Variants in KCMF1 observed in about 807,000 individuals in gnomAD.
The protein encoded by KCMF1 is E3 ubiquitin-protein ligase KCMF1.
KCMF1 carries 3 observed loss-of-function variants against 41.1 expected under a neutral mutation model. That is an observed-to-expected ratio of 0.07 (90% CI 0.03 to 0.19). KCMF1 has a LOEUF of 0.19. Ranked by LOEUF, KCMF1 falls within the 10% of genes least tolerant of loss-of-function variation. The pLI is 1.00. For synonymous variants in KCMF1, 142 were observed against 164.5 expected, an observed-to-expected ratio of 0.86 and a Z score of 1.04; for missense variants, 286 against 488.9, an observed-to-expected ratio of 0.58 and a Z score of 3.91.
At chr2:85,027,366 CTTTTTTTTTTT>C (rs934531367) in intron 1 of KCMF1, among the ~76,000 whole-genome samples, 6 of 65,742 alleles carry the variant, frequency 9.1e-5, no homozygotes, top group Non-Finnish European at 1.8e-4. Flanking sequence ...CTTATCAAGG[CTTTTTTTTTTT>C]TTTTTTTTTT....
At chr2:84,986,441 G>A (rs917469861) in intron 1 of KCMF1, among the ~76,000 whole-genome samples, 4 of 152,116 alleles carry the variant, frequency 2.6e-5, no homozygotes, top group East Asian at 1.9e-4. Flanking sequence ...AAGGGGATCC[G>A]CCAAGTGAGA....
chr2:85,003,958 T>C (rs1183420833), intron 1 of KCMF1, among the ~76,000 whole-genome samples: 1 of 152,150 alleles, frequency 6.6e-6, no homozygotes, highest in Non-Finnish European at 1.5e-5. Context: ...ACCCAGTGGA[T>C]GCCTGAACCT....
intron 5 of KCMF1, among the ~76,000 whole-genome samples, chr2:85,047,469 G>C (rs894722764): frequency 3.3e-5 from 5 of 151,726 alleles, no homozygotes; most frequent in Admixed American, 2.6e-4. Context: ...TAATTGAAAA[G>C]ACTAAAGAAT....
At chr2:85,031,090 T>C (rs1323502836) in intron 2 of KCMF1, among the ~76,000 whole-genome samples, 1 of 152,234 alleles carries the variant, frequency 6.6e-6, no homozygotes, top group Non-Finnish European at 1.5e-5. Context: ...CTTCCAACTT[T>C]GTTCTTTTTC....
chr2:85,037,902 C>T (rs746852422), intron 3 of KCMF1, among the ~76,000 whole-genome samples: 4 of 152,190 alleles, frequency 2.6e-5, no homozygotes, highest in Non-Finnish European at 5.9e-5. Context: ...CCTGTCAGAT[C>T]AGCAACATCA....
At chr2:85,018,344 A>G (rs1463142332) in intron 1 of KCMF1, among the ~76,000 whole-genome samples, 2 of 143,146 alleles carry the variant, frequency 1.4e-5, no homozygotes, top group Non-Finnish European at 3.0e-5. Flanking sequence ...AACTCGGCTC[A>G]CTGCAACCTC....
intron 1 of KCMF1, among the ~76,000 whole-genome samples, chr2:84,982,564 A>C (rs1444553698): frequency 6.6e-6 from 1 of 151,242 alleles, no homozygotes; most frequent in African/African-American, 2.4e-5. Flanking sequence ...ACCATGCCCT[A>C]ATTTTTGTAT....
chr2:85,035,224 C>T, intron 3 of KCMF1, 69 bp downstream of exon 3: 1 of 1,342,630 alleles, frequency 7.4e-7, no homozygotes, highest in Non-Finnish European at 1.0e-6. Flanking sequence ...ATTAATAAAG[C>T]TAGGTCACTG....
At chr2:85,014,582 GCT>G (rs1002816463) in intron 1 of KCMF1, among the ~76,000 whole-genome samples, 27 of 150,890 alleles carry the variant, frequency 1.8e-4, no homozygotes, top group African/African-American at 6.1e-4. Flanking sequence ...CCTAAACCAA[GCT>G]CTCTCTGCCT....
intron 1 of KCMF1, among the ~76,000 whole-genome samples, chr2:84,993,238 A>T (rs1330590212): frequency 6.6e-6 from 1 of 151,974 alleles, no homozygotes; most frequent in African/African-American, 2.4e-5. Context: ...AAACAAAAAA[A>T]CCAAAGACAG....
intron 1 of KCMF1, among the ~76,000 whole-genome samples, chr2:85,014,714 T>C (rs995312119): frequency 4.2e-5 from 6 of 142,790 alleles, no homozygotes; most frequent in Non-Finnish European, 7.5e-5. Flanking sequence ...CGCGCGTGCG[T>C]GCGTGCGTGC....
intron 1 of KCMF1, 39 bp from the exon 2 acceptor site, chr2:85,027,850 T>G: frequency 7.1e-7 from 1 of 1,400,140 alleles, no homozygotes; most frequent in Non-Finnish European, 9.8e-7. Flanking sequence ...AAGAGTGGCC[T>G]TTACAACTGG....
chr2:84,981,841 C>T (rs1354728161), intron 1 of KCMF1, among the ~76,000 whole-genome samples: 2 of 152,018 alleles, frequency 1.3e-5, no homozygotes, highest in Non-Finnish European at 2.9e-5. Flanking sequence ...TTCAGTACCG[C>T]AGTATCAGCT....
chr2:85,001,942 G>A (rs1674339409), intron 1 of KCMF1, among the ~76,000 whole-genome samples: 1 of 152,138 alleles, frequency 6.6e-6, no homozygotes, highest in African/African-American at 2.4e-5. Context: ...ACTCAATACT[G>A]TAGGCAGTTA....
intron 1 of KCMF1, among the ~76,000 whole-genome samples, chr2:85,001,001 CTT>C (rs921813036): frequency 6.8e-6 from 1 of 147,014 alleles, no homozygotes; most frequent in East Asian, 2.0e-4. Context: ...TCTTTTTTGT[CTT>C]TTTTTTGTAG....
chr2:85,030,606 C>T (rs1261393774), intron 2 of KCMF1, among the ~76,000 whole-genome samples: 1 of 152,170 alleles, frequency 6.6e-6, no homozygotes, highest in African/African-American at 2.4e-5. Flanking sequence ...TTACCCAATG[C>T]ATTGTCTTGG....
At position 85,009,702 on chromosome 2, in the gene KCMF1, T is replaced by G. The variant is rs1157512602; in HGVS notation, c.17-18187T>G. ...TTTCTGTTTCTGGAAATGATATACTTACTTAATCCCTCTGTTTTCAATAAA... is the reference window on the plus strand; with the variant it reads ...TTTCTGTTTCTGGAAATGATATACTGACTTAATCCCTCTGTTTTCAATAAA... On this transcript the variant is annotated intron_variant, in intron 1 of 6. Transcript: ENST00000409785. Among the ~76,000 whole-genome samples the G allele has an allele frequency of 3.3e-5, 5 of 152,198 alleles. No individual in the cohort carries two copies. In the East Asian group the frequency reaches 9.6e-4, roughly 29 times the overall value.
At chr2:84,974,027 C>T (rs1673467925) in intron 1 of KCMF1, among the ~76,000 whole-genome samples, 1 of 151,932 alleles carries the variant, frequency 6.6e-6, no homozygotes, top group Non-Finnish European at 1.5e-5. Flanking sequence ...CGGGTTTCAT[C>T]ATGTTGGTCA....
At chr2:85,030,422 G>A (rs758118969) in intron 2 of KCMF1, among the ~76,000 whole-genome samples, 5 of 151,982 alleles carry the variant, frequency 3.3e-5, no homozygotes, top group Non-Finnish European at 7.4e-5. Flanking sequence ...TCAAAGTCAC[G>A]AAGATTTAAA....
Sources: allele counts gnomAD v4.1 joint callset (sites outside exome capture counted in the v4.1 genomes callset), GRCh38; gene constraint gnomAD v4.1.1; transcripts MANE v1.5; gene names NCBI Gene and HGNC (gene_info 2026-07-23, HGNC 2026-07-21).